PARD3: variants seen among roughly 807,000 people sequenced by gnomAD.
PARD3 encodes the protein par-3 family cell polarity regulator, also known as partitioning defective 3 homolog.
In PARD3, 75 loss-of-function variants were observed where a neutral mutation model predicts 155.4. The ratio of observed to expected loss-of-function variants is 0.48; its 90% CI spans 0.40 to 0.58. PARD3 has a LOEUF of 0.58. PARD3 is among the 20% of genes least tolerant of loss of function. The pLI, the probability that PARD3 is intolerant of heterozygous loss-of-function variation, is 0.00. For missense variants in PARD3, 1,642 were observed against 1,721.7 expected (o/e 0.95, Z 0.82); for synonymous variants, 576 against 610.5 (o/e 0.94, Z 0.83).
At chr10:34,116,831 C>T (rs879258173) in intron 24 of PARD3, among the ~76,000 whole-genome samples, 58 of 152,130 alleles carry the variant, frequency 3.8e-4, no homozygotes, top group Non-Finnish European at 7.1e-4. Flanking sequence ...TAAATAACAG[C>T]GGAGGCACTA....
intron 22 of PARD3, among the ~76,000 whole-genome samples, chr10:34,195,058 C>A (rs1176782611): frequency 1.3e-5 from 2 of 152,128 alleles, no homozygotes; most frequent in Non-Finnish European, 2.9e-5. Context: ...ATAGGAGAAT[C>A]CAAATTGCTT....
chr10:34,567,547 A>G (rs1187709012), intron 2 of PARD3, among the ~76,000 whole-genome samples: 1 of 152,224 alleles, frequency 6.6e-6, no homozygotes, highest in African/African-American at 2.4e-5. Flanking sequence ...ACTTAGCATC[A>G]AACAAGTAGT....
intron 2 of PARD3, among the ~76,000 whole-genome samples, chr10:34,608,591 A>G (rs556789366): frequency 4.1e-5 from 6 of 147,880 alleles, no homozygotes; most frequent in Admixed American, 1.3e-4. Context: ...CTGGAGTGCA[A>G]TGGCCCGATC....
intron 1 of PARD3, among the ~76,000 whole-genome samples, chr10:34,811,227 G>A (rs1844127011): frequency 6.6e-6 from 1 of 152,178 alleles, no homozygotes; most frequent in Admixed American, 6.5e-5. Flanking sequence ...AAACACCACA[G>A]TCCTTCCTAC....
chr10:34,339,884 G>C (rs549358415), intron 16 of PARD3, among the ~76,000 whole-genome samples: 6 of 152,278 alleles, frequency 3.9e-5, no homozygotes, highest in African/African-American at 1.4e-4. Context: ...TTAGATGGCA[G>C]GAATGACAGC....
chr10:34,248,056 T>C (rs1207459441), intron 22 of PARD3, among the ~76,000 whole-genome samples: 2 of 152,190 alleles, frequency 1.3e-5, no homozygotes, highest in East Asian at 3.9e-4. Flanking sequence ...TTGCCTACAG[T>C]TCTTTAATGC....
intron 2 of PARD3, among the ~76,000 whole-genome samples, chr10:34,681,748 ATATATATATATATATATATATT>A (rs2093832088): frequency 1.3e-4 from 2 of 15,884 alleles, no homozygotes; most frequent in African/African-American, 6.9e-4. Flanking sequence ...ATATATATAT[ATATATATATATATATATATATT>A]TTTTTTTTTT....
chr10:34,611,807 C>CTTTTTT (rs397829689), intron 2 of PARD3, among the ~76,000 whole-genome samples: 9 of 109,226 alleles, frequency 8.2e-5, no homozygotes, highest in Non-Finnish European at 1.4e-4. Context: ...ACATTTCTTT[C>CTTTTTT]TTTTTTTTTT....
At chr10:34,220,316 C>T (rs1189213072) in intron 22 of PARD3, among the ~76,000 whole-genome samples, 1 of 152,138 alleles carries the variant, frequency 6.6e-6, no homozygotes, top group East Asian at 1.9e-4. Context: ...CTTCTGATAG[C>T]TTTTGAAAAA....
At chr10:34,352,765 A>AC (rs1248071219) in intron 14 of PARD3, among the ~76,000 whole-genome samples, 1 of 150,964 alleles carries the variant, frequency 6.6e-6, no homozygotes, top group Non-Finnish European at 1.5e-5. Flanking sequence ...CCCGGCCGCG[A>AC]CCCCATCTGG....
chr10:34,332,552 G>T (rs1234867212), intron 18 of PARD3, among the ~76,000 whole-genome samples: 2 of 152,040 alleles, frequency 1.3e-5, no homozygotes, highest in Non-Finnish European at 2.9e-5. Context: ...AAATAAAATA[G>T]AATTAAAATT....
At chr10:34,505,078 A>G (rs984089482) in intron 3 of PARD3, among the ~76,000 whole-genome samples, 2 of 152,190 alleles carry the variant, frequency 1.3e-5, no homozygotes, top group African/African-American at 4.8e-5. Flanking sequence ...GTACAATCTA[A>G]TCTTGGCAAA....
intron 1 of PARD3, among the ~76,000 whole-genome samples, chr10:34,707,254 A>AC (rs1328056847): frequency 6.6e-6 from 1 of 151,676 alleles, no homozygotes; most frequent in East Asian, 1.9e-4. Context: ...CAAAAAAAAA[A>AC]AAAGAAAAGA....
chr10:34,285,852 C>T (rs1215117890), intron 20 of PARD3, among the ~76,000 whole-genome samples: 1 of 152,050 alleles, frequency 6.6e-6, no homozygotes, highest in Non-Finnish European at 1.5e-5. Flanking sequence ...AACACCACCA[C>T]CACTACTTTA....
intron 2 of PARD3, among the ~76,000 whole-genome samples, chr10:34,651,699 T>C (rs1433468320): frequency 6.6e-6 from 1 of 152,216 alleles, no homozygotes; most frequent in African/African-American, 2.4e-5. Flanking sequence ...AAAAACTGTA[T>C]CATATTAGTT....
intron 2 of PARD3, among the ~76,000 whole-genome samples, chr10:34,683,334 C>T (rs1376899008): frequency 6.6e-6 from 1 of 151,994 alleles, no homozygotes; most frequent in African/African-American, 2.4e-5. Flanking sequence ...CAAATCCCAT[C>T]ATCACCCAAT....
At chr10:34,433,785 T>C (rs761041337) in intron 5 of PARD3, among the ~76,000 whole-genome samples, 7 of 152,210 alleles carry the variant, frequency 4.6e-5, no homozygotes, top group Middle Eastern at 3.4e-3. Flanking sequence ...TTTCCAGATA[T>C]ACAAATTACA....
intron 22 of PARD3, among the ~76,000 whole-genome samples, chr10:34,171,315 A>G (rs1949778732): frequency 6.6e-6 from 1 of 152,172 alleles, no homozygotes; most frequent in South Asian, 2.1e-4. Flanking sequence ...AGTTCATCAC[A>G]CATAGAGAGA....
Position 34,167,995 on chromosome 10 carries a change from T to G in PARD3, c.3420-36412A>C, listed in dbSNP as rs567393288. Reference sequence around the variant, plus strand: ...TTCCCAGGGGTGCAAGAGGGTTATGTTGAAACATGAGTTTTTTTTTGAGCA... The same window carrying G: ...TTCCCAGGGGTGCAAGAGGGTTATGGTGAAACATGAGTTTTTTTTTGAGCA... On this transcript the variant is annotated intron_variant, in intron 22 of 24. Coordinates refer to ENST00000374788, the MANE Select transcript of PARD3 (RefSeq NM_001184785.2). Among the ~76,000 whole-genome samples, 5 of 152,308 alleles carry G rather than the reference T, an allele frequency of 3.3e-5. No individual in the cohort carries two copies. In the South Asian group the frequency reaches 1.0e-3, roughly 32 times the overall value.
Sources: gnomAD v4.1 joint callset for allele counts (sites outside exome capture counted in the v4.1 genomes callset) on GRCh38, gnomAD v4.1.1 for gene constraint, MANE v1.5 for transcripts, NCBI Gene and HGNC (gene_info 2026-07-23, HGNC 2026-07-21) for gene names.